CPEB4: variants seen among roughly 807,000 people sequenced by gnomAD.
The protein encoded by CPEB4 is cytoplasmic polyadenylation element binding protein 4.
A neutral mutation model predicts 72.5 loss-of-function variants in CPEB4; 12 were observed. The ratio of observed to expected loss-of-function variants is 0.17; its 90% CI spans 0.11 to 0.27. The LOEUF (loss-of-function observed/expected upper bound fraction) is 0.27, where lower values mean the gene tolerates loss of function less well. Ranked by LOEUF, CPEB4 falls within the 10% of genes least tolerant of loss-of-function variation. The pLI, the probability that CPEB4 is intolerant of heterozygous loss-of-function variation, is 1.00. For synonymous variants in CPEB4, 302 were observed against 326.3 expected (o/e 0.93, Z 0.80); for missense variants, 614 against 908.5 (o/e 0.68, Z 4.17).
At position 173,955,023 on chromosome 5, in the gene CPEB4, TCTC is replaced by T. The variant is rs1758334298; in HGVS notation, c.1963-884_1963-882del. ...ACAATCATGACTCACTGCATGTTCT[TCTC>T]CTTTTGTTCATGGCTAATCTTGGTC... On this transcript the variant is annotated intron_variant, in intron 9 of 9. Transcript: ENST00000265085. The surrounding 1 kb of genome is among the most constrained non-coding windows in gnomAD (Gnocchi z 4.7). Among the ~76,000 whole-genome samples, 1 of 152,160 alleles carries T rather than the reference TCTC, an allele frequency of 6.6e-6. No homozygotes were observed. The highest frequency in any genetic ancestry group is 2.4e-5 in the African/African-American group (1 of 41,448).
At chr5:173,921,869 C>T (rs932252570) in intron 2 of CPEB4, among the ~76,000 whole-genome samples, 8 of 152,210 alleles carry the variant, frequency 5.3e-5, no homozygotes, top group Non-Finnish European at 1.0e-4. Context: ...GCAGCATTAA[C>T]CAGTTTCAAG....
At chr5:173,906,782 T>G (rs1756451437) in intron 1 of CPEB4, among the ~76,000 whole-genome samples, 1 of 152,254 alleles carries the variant, frequency 6.6e-6, no homozygotes. Context: ...GTGGAGAATT[T>G]CTTTTCATTT....
At chr5:173,941,960 C>T (rs895027382) in intron 3 of CPEB4, among the ~76,000 whole-genome samples, 4 of 152,366 alleles carry the variant, frequency 2.6e-5, no homozygotes, top group South Asian at 4.1e-4. Context: ...GTTCGGCCAC[C>T]TTTCCCTGAA....
intron 1 of CPEB4, among the ~76,000 whole-genome samples, chr5:173,897,394 A>G (rs1260955798): frequency 2.0e-5 from 3 of 152,210 alleles, no homozygotes; most frequent in African/African-American, 7.2e-5. Context: ...AATTGAGAAT[A>G]GTTTGGCTTT....
At chr5:173,902,917 G>A (rs1360394836) in intron 1 of CPEB4, among the ~76,000 whole-genome samples, 1 of 152,186 alleles carries the variant, frequency 6.6e-6, no homozygotes, top group Non-Finnish European at 1.5e-5. Flanking sequence ...TTGATAAATA[G>A]GTTGAATCTG....
chr5:173,890,985 A>G (rs1389384925), intron 1 of CPEB4, 127 bp downstream of exon 1: 3 of 899,704 alleles, frequency 3.3e-6, no homozygotes, highest in African/African-American at 3.4e-5. Flanking sequence ...ATGAATCAAT[A>G]ACCAGACTTT....
At chr5:173,932,402 C>T in intron 2 of CPEB4, 48 bp from the exon 3 acceptor site, 1 of 1,464,780 alleles carries the variant, frequency 6.8e-7, no homozygotes, top group Admixed American at 1.7e-5. Context: ...TAAGTTTAAA[C>T]CATCTATGAA....
intron 5 of CPEB4, among the ~76,000 whole-genome samples, chr5:173,947,152 T>G (rs1385765405): frequency 1.3e-5 from 2 of 152,096 alleles, no homozygotes; most frequent in Non-Finnish European, 2.9e-5. Flanking sequence ...TATCTACACA[T>G]GCTTACCTAC....
rs1758459938 is a variant in CPEB4, at chr5:173,958,884, A to G, written c.*2747A>G. 1.3e-5 allele frequency: 2 copies of G among 152,564 alleles called. No individual in the cohort carries two copies. Among genetic ancestry groups the G allele is most frequent in the East Asian group, 1.9e-4 (1 of 5,316 alleles). The allele number at this position is 152,564 out of a possible 1,614,324, so 9.5% of individuals were successfully genotyped here. A position where few individuals can be genotyped will look rare whatever the true frequency, so the allele number is the denominator to read the frequency against. ...CTGCTCTTTTAAATTATATATAAGG[A>G]AAAAAAATAGCCTGCCTTGGGACAG... On this transcript the variant is annotated 3_prime_UTR_variant, in exon 10 of 10. Coordinates refer to ENST00000265085, the MANE Select transcript of CPEB4 (RefSeq NM_030627.4).
chr5:173,929,852 A>T (rs918031072), intron 2 of CPEB4, among the ~76,000 whole-genome samples: 2 of 152,204 alleles, frequency 1.3e-5, no homozygotes, highest in African/African-American at 4.8e-5. Flanking sequence ...TTAATATTTC[A>T]ACTAATGTTA....
chr5:173,930,215 G>T (rs939930362), intron 2 of CPEB4, among the ~76,000 whole-genome samples: 5 of 152,154 alleles, frequency 3.3e-5, no homozygotes, highest in African/African-American at 9.6e-5. Flanking sequence ...GCACCACCAC[G>T]CCTGGCTAAT....
At position 173,955,583 on chromosome 5, in the gene CPEB4, G is replaced by T. The variant is rs1758353721; in HGVS notation, c.1963-327G>T. Among the ~76,000 whole-genome samples the T allele has an allele frequency of 6.6e-6, 1 of 151,892 alleles. No individual in the cohort carries two copies. The highest frequency in any genetic ancestry group is 6.6e-5 in the Admixed American group (1 of 15,256). ...ATCCAGATCCACTAATTAAAATGAG[G>T]GTTTATGTCTATGAATAATCTCCTG... On this transcript the variant is annotated intron_variant, in intron 9 of 9. Coordinates refer to ENST00000265085, the MANE Select transcript of CPEB4 (RefSeq NM_030627.4). The surrounding 1 kb of genome is among the most constrained non-coding windows in gnomAD (Gnocchi z 4.7).
chr5:173,952,172 C>A (rs1226624138), intron 8 of CPEB4, among the ~76,000 whole-genome samples: 1 of 151,952 alleles, frequency 6.6e-6, no homozygotes, highest in Non-Finnish European at 1.5e-5. Context: ...GCGTTTCATC[C>A]CTAGGATGAA....
chr5:173,957,492 G>A lies in CPEB4; in HGVS notation c.*1355G>A, dbSNP rs992904009. ...GTGTTTGAAGTGCCAACTTCATCAA[G>A]TAATGCATGCTTTATTATAAATAAA... On this transcript the variant is annotated 3_prime_UTR_variant, in exon 10 of 10. Coordinates refer to ENST00000265085, the MANE Select transcript of CPEB4 (RefSeq NM_030627.4). The A allele has an allele frequency of 3.9e-5, 6 of 152,740 alleles. No individual in the cohort carries two copies. Among genetic ancestry groups the A allele is most frequent in the Non-Finnish European group, 5.9e-5 (4 of 68,030 alleles). The allele number at this position is 152,740 out of a possible 1,614,324, so 9.5% of individuals were successfully genotyped here.
intron 1 of CPEB4, among the ~76,000 whole-genome samples, chr5:173,909,146 G>A (rs1756548992): frequency 6.6e-6 from 1 of 152,072 alleles, no homozygotes; most frequent in Non-Finnish European, 1.5e-5. Flanking sequence ...GTTAAGCTAG[G>A]GGTTTAGGTC....
intron 5 of CPEB4, among the ~76,000 whole-genome samples, chr5:173,948,734 G>C (rs1254040956): frequency 6.6e-6 from 1 of 152,092 alleles, no homozygotes; most frequent in Admixed American, 6.6e-5. Flanking sequence ...CCAAGATCAA[G>C]GTGCCAGCAA....
At chr5:173,931,410 T>A (rs1007169942) in intron 2 of CPEB4, among the ~76,000 whole-genome samples, 1 of 152,226 alleles carries the variant, frequency 6.6e-6, no homozygotes, top group Non-Finnish European at 1.5e-5. Context: ...GGAATGTTTG[T>A]AGTTCCGAGT....
At chr5:173,944,382 G>A (rs1757944199) in intron 4 of CPEB4, among the ~76,000 whole-genome samples, 1 of 151,772 alleles carries the variant, frequency 6.6e-6, no homozygotes. Flanking sequence ...GGCTGAGGTG[G>A]GAGGGTCACT....
chr5:173,938,995 A>C (rs900548802), intron 3 of CPEB4, among the ~76,000 whole-genome samples: 4 of 152,186 alleles, frequency 2.6e-5, no homozygotes. Flanking sequence ...TTCTAGAAAA[A>C]AGTATTTCAT....
Sources: gnomAD v4.1 joint callset for allele counts (sites outside exome capture counted in the v4.1 genomes callset) on GRCh38, gnomAD v4.1.1 for gene constraint, Gnocchi (gnomAD v3.1) non-coding constraint, MANE v1.5 for transcripts, NCBI Gene and HGNC (gene_info 2026-07-23, HGNC 2026-07-21) for gene names.